ANKRD17: variants seen among roughly 807,000 people sequenced by gnomAD.
The protein encoded by ANKRD17 is ankyrin repeat domain 17.
In ANKRD17, 19 loss-of-function variants were observed where a neutral mutation model predicts 229.7. That is an observed-to-expected ratio of 0.08 (90% confidence interval 0.06 to 0.12). The LOEUF is 0.12. ANKRD17 is among the 10% of genes least tolerant of loss of function. The probability of loss-of-function intolerance (pLI) is 1.00; values close to 1 mark genes in which losing one functional copy is unlikely to be tolerated. For synonymous variants in ANKRD17, 1,112 were observed against 1,146.1 expected (o/e 0.97, Z 0.60); for missense variants, 2,176 against 3,176.8 (o/e 0.68, Z 7.57).
chr4:73,139,434 T>C (rs1480921059), intron 15 of ANKRD17, 97 bp downstream of exon 15: 7 of 1,407,676 alleles, frequency 5.0e-6, no homozygotes, highest in Non-Finnish European at 4.8e-6. Flanking sequence ...AGTCCAAAAA[T>C]AGTTCTCAAG....
At chr4:73,189,195 C>G (rs1023872411) in intron 1 of ANKRD17, among the ~76,000 whole-genome samples, 5 of 151,996 alleles carry the variant, frequency 3.3e-5, no homozygotes, top group African/African-American at 1.2e-4. Flanking sequence ...AGCCAATTAA[C>G]AAACCTAAAC....
At position 73,153,896 on chromosome 4, in the gene ANKRD17, G is replaced by A. The variant is rs1373870815; in HGVS notation, c.1218C>T (p.Thr406=). 2 of 1,599,678 alleles carry A rather than the reference G, an allele frequency of 1.3e-6. No homozygotes were observed. Among genetic ancestry groups the A allele is most frequent in the South Asian group, 2.3e-5 (2 of 88,420 alleles). ...ATACTGTACCTTTGTAACAAGCTAA[G>A]GTAAGGGCACTCTCTTTAAATTCAT... ...HSNEFKESAL[T]LACYKGHLEM... is the part of the protein sequence containing the mutation. The change falls in exon 6 of 34, where the codon ACC becomes ACT. Residue 406 remains threonine (T), a synonymous_variant. Coordinates refer to ENST00000358602, the MANE Select transcript of ANKRD17 (RefSeq NM_032217.5).
chr4:73,107,892 G>A (rs188769247), intron 24 of ANKRD17, among the ~76,000 whole-genome samples: 1 of 152,136 alleles, frequency 6.6e-6, no homozygotes, highest in Non-Finnish European at 1.5e-5. Context: ...GAGGATCAGG[G>A]TGCTACATAA....
chr4:73,222,878 C>T (rs578204813), intron 1 of ANKRD17: 266 of 1,011,810 alleles, frequency 2.6e-4, no homozygotes, highest in Admixed American at 7.2e-4. Context: ...TCTCTTTGCT[C>T]TCTCCTCTAA....
At chr4:73,154,446 G>C (rs1731379919) in intron 5 of ANKRD17, among the ~76,000 whole-genome samples, 1 of 151,930 alleles carries the variant, frequency 6.6e-6, no homozygotes, top group Non-Finnish European at 1.5e-5. Flanking sequence ...GAAAAAAGTT[G>C]TTTTAATGTT....
At chr4:73,213,300 T>A (rs1028743366) in intron 1 of ANKRD17, among the ~76,000 whole-genome samples, 1 of 152,078 alleles carries the variant, frequency 6.6e-6, no homozygotes, top group Non-Finnish European at 1.5e-5. Context: ...AGTGAGAAGG[T>A]CTGTGTGAAA....
At chr4:73,080,260 T>A (rs1311944756) in intron 30 of ANKRD17, among the ~76,000 whole-genome samples, 1 of 151,876 alleles carries the variant, frequency 6.6e-6, no homozygotes, top group African/African-American at 2.4e-5. Context: ...TTATATAAGA[T>A]AAAAGAGAAA....
Position 73,140,222 on chromosome 4 carries a change from G to A in ANKRD17, c.2394C>T (p.Tyr798=), listed in dbSNP as rs1467353304. The A allele has an allele frequency of 1.2e-6, 2 of 1,612,972 alleles. No individual in the cohort carries two copies. The highest frequency in any genetic ancestry group is 8.5e-7 in the Non-Finnish European group (1 of 1,179,788). The change falls in exon 15 of 34, where the codon TAC becomes TAT. Residue 798 remains tyrosine, a synonymous_variant. Transcript: ENST00000358602. The stretch of plus-strand genomic sequence containing the variant: ...TGCTCTCTGGAGACTGATTGGTGAT[G>A]TAACCCTGTACATCCTGGCTGTTTG... ...LPANSQDVQG[Y]ITNQSPESIV...
chr4:73,195,612 T>A (rs1737752218), intron 1 of ANKRD17, among the ~76,000 whole-genome samples: 1 of 151,860 alleles, frequency 6.6e-6, no homozygotes, highest in South Asian at 2.1e-4. Context: ...GGGTTCAAGC[T>A]ATTCTCCTGC....
chr4:73,219,480 A>C (rs1242082645), intron 1 of ANKRD17, among the ~76,000 whole-genome samples: 1 of 152,228 alleles, frequency 6.6e-6, no homozygotes, highest in African/African-American at 2.4e-5. Flanking sequence ...AATCTTGGCA[A>C]TCAAAAGGAA....
chr4:73,142,046 T>C (rs1729678848), intron 13 of ANKRD17, among the ~76,000 whole-genome samples, 196 bp downstream of exon 13: 1 of 152,182 alleles, frequency 6.6e-6, no homozygotes, highest in East Asian at 1.9e-4. Flanking sequence ...GTTGTGACCT[T>C]TAAAAGCTAA....
At chr4:73,088,135 A>T (rs2110141538) in intron 29 of ANKRD17, among the ~76,000 whole-genome samples, 1 of 152,338 alleles carries the variant, frequency 6.6e-6, no homozygotes, top group African/African-American at 2.4e-5. Flanking sequence ...TTCAAAATAC[A>T]AACTATAAAA....
At chr4:73,126,295 G>T (rs904795339) in intron 16 of ANKRD17, among the ~76,000 whole-genome samples, 1 of 152,094 alleles carries the variant, frequency 6.6e-6, no homozygotes, top group South Asian at 2.1e-4. Context: ...CCACCAGAGA[G>T]AGTCAGGCTG....
intron 21 of ANKRD17, 30 bp from the exon 22 acceptor site, chr4:73,118,880 CTTTTTT>C (rs751549226): frequency 1.1e-3 from 922 of 803,432 alleles, no homozygotes; most frequent in East Asian, 2.3e-3. Context: ...ATAGCATTGT[CTTTTTT>C]TTTTTTTTTT....
intron 2 of ANKRD17, among the ~76,000 whole-genome samples, chr4:73,171,178 G>GGGGAGAGAGAGAGAGAGAGA (rs1553928534): frequency 9.6e-6 from 1 of 104,446 alleles, no homozygotes; most frequent in East Asian, 2.7e-4. Context: ...CTCAGAGGGG[G>GGGGAGAGAGAGAGAGAGAGA]GAGAGAGAGA....
In ANKRD17 at chr4:73,156,142, T is replaced by C. The variant is rs146575336; in HGVS notation, c.729A>G (p.Ser243=). ...TTCGCACAGCATTTACATCTCCTTCTGAACAGGCTTCTGCCAAACTGCGGC... is the reference window on the plus strand; with the variant it reads ...TTCGCACAGCATTTACATCTCCTTCCGAACAGGCTTCTGCCAAACTGCGGC... The part of the protein sequence containing the change: ...SDNRSLAEAC[S]EGDVNAVRKL... Residue 243 remains serine (S), a synonymous_variant, in exon 4 of 34, where the codon TCA becomes TCG. Transcript: ENST00000358602. 4.5e-5 allele frequency: 73 copies of C among 1,604,984 alleles called. No individual in the cohort carries two copies. The African/African-American group carries it at 8.2e-4, about 18-fold the overall frequency.
chr4:73,236,204 TGGAGTGCAGTG>T (rs1342079195), intron 1 of ANKRD17, among the ~76,000 whole-genome samples: 3 of 151,902 alleles, frequency 2.0e-5, no homozygotes, highest in African/African-American at 7.3e-5. Context: ...TCACCTAGAC[TGGAGTGCAGTG>T]GTTCCATCAT....
Position 73,249,586 on chromosome 4 carries a change from G to A in ANKRD17, c.393+8690C>T, listed in dbSNP as rs140180050. ...ACTTAAGTAAAATCGGCCGGGTGCT[G>A]TGGCTCACGCCTATAATCCCAGCAC... On this transcript the variant is annotated intron_variant, in intron 1 of 33. Coordinates refer to ENST00000358602, the MANE Select transcript of ANKRD17 (RefSeq NM_032217.5). Among the ~76,000 whole-genome samples the A allele has an allele frequency of 6.1e-3, 932 of 152,358 alleles. 11 individuals are homozygous for A. Among genetic ancestry groups the A allele is most frequent in the African/African-American group, 0.019 (777 of 41,586 alleles).
At chr4:73,242,167 G>A (rs920984143) in intron 1 of ANKRD17, among the ~76,000 whole-genome samples, 1 of 151,972 alleles carries the variant, frequency 6.6e-6, no homozygotes, top group African/African-American at 2.4e-5. Flanking sequence ...ACAAACACAA[G>A]GGACAAATAC....
Sources: allele counts gnomAD v4.1 joint callset (sites outside exome capture counted in the v4.1 genomes callset), GRCh38; gene constraint gnomAD v4.1.1; transcripts MANE v1.5; gene names NCBI Gene and HGNC (gene_info 2026-07-23, HGNC 2026-07-21).